The following NR1H2 variants were observed in gnomAD, a reference collection of about 807,000 sequenced individuals.
The protein encoded by NR1H2 is oxysterols receptor LXR-beta.
A neutral mutation model predicts 51.2 loss-of-function variants in NR1H2; 33 were observed. That is an observed-to-expected ratio of 0.64 (90% CI 0.49 to 0.86). NR1H2 has a LOEUF of 0.86. NR1H2 is among the 40% of genes least tolerant of loss of function. The pLI is 0.00. For synonymous variants in NR1H2, 310 were observed against 264.3 expected, an observed-to-expected ratio of 1.17 and a Z score of -1.68; for missense variants, 592 against 639.9, an observed-to-expected ratio of 0.93 and a Z score of 0.81.
rs755223290 is a variant in NR1H2 at position 50,382,601 on chromosome 19, G to A, written c.1382G>A (p.Ter461=). The A allele has an allele frequency of 1.3e-6, 2 of 1,566,692 alleles. No individual in the cohort carries two copies. The highest frequency in any genetic ancestry group is 1.7e-6 in the Non-Finnish European group (2 of 1,158,166). ...TCGGAGATCTGGGACGTCCACGAGT[G>A]AGGGGCTGGCCACCCAGCCCCACAG... The part of the protein sequence containing the change: ...LLSEIWDVHE[*] The change falls in exon 10 of 10, where the codon TGA becomes TAA. Residue 461 remains the stop codon, a stop_retained_variant. Transcript: ENST00000253727.
intron 2 of NR1H2, chr19:50,377,320 A>G (rs1292215204): frequency 9.5e-6 from 4 of 423,148 alleles, no homozygotes; most frequent in Non-Finnish European, 1.2e-5. Context: ...CCCTACCTAG[A>G]AAAAGCAGGT....
intron 6 of NR1H2, 90 bp downstream of exon 6, chr19:50,378,886 C>T: frequency 6.4e-7 from 1 of 1,561,734 alleles, no homozygotes; most frequent in Non-Finnish European, 8.7e-7. Flanking sequence ...AATGAGGCTC[C>T]AGAGGGCAGG....
In NR1H2 at chr19:50,382,221, C is replaced by CCCACGTGGT. The variant is rs771438811; in HGVS notation, c.1236+50_1236+58dup. On this transcript the variant is annotated intron_variant, in intron 9 of 9. Transcript: ENST00000253727. ...GCGCAGAGCCAACTACGTCCCGCGG[C>CCCACGTGGT]CCACGTGGTCCGTTCAGGCTGGGTT... 1.8e-5 allele frequency: 27 copies of CCCACGTGGT among 1,464,150 alleles called. No individual in the cohort carries two copies. In the South Asian group the frequency reaches 3.1e-4, roughly 17 times the overall value. 90.7% of individuals were successfully genotyped at this position (1,464,150 alleles called of 1,614,324 possible).
rs1030777653 is a variant in NR1H2 at position 50,381,997 on chromosome 19, C to T, written c.1059C>T (p.Phe353=). 15 of 1,564,296 alleles carry T rather than the reference C, an allele frequency of 9.6e-6. 1 individual carries two copies. Among genetic ancestry groups the T allele is most frequent in the African/African-American group, 8.1e-5 (6 of 73,670 alleles). The part of the protein sequence containing the change: ...GLQVEFINPI[F]EFSRAMRRLG... The stretch of plus-strand genomic sequence containing the variant: ...AGGTGGAGTTCATCAACCCCATCTT[C>T]GAGTTCTCGCGGGCCATGCGGCGGC... The change falls in exon 9 of 10, where the codon TTC becomes TTT. Residue 353 remains phenylalanine, a synonymous_variant. Coordinates refer to ENST00000253727, the MANE Select transcript of NR1H2 (RefSeq NM_007121.7).
chr19:50,377,410 G>C (rs2037684240), intron 2 of NR1H2, 177 bp from the exon 3 acceptor site: 1 of 545,604 alleles, frequency 1.8e-6, no homozygotes, highest in African/African-American at 2.0e-5. Flanking sequence ...AACAGAAGGG[G>C]GCAGGTCTTG....
At position 50,383,336 on chromosome 19, in the gene NR1H2, TG is replaced by T. The variant is rs1450947051; in HGVS notation, c.*736del. Among the ~76,000 whole-genome samples, 14 of 152,258 alleles carry T rather than the reference TG, an allele frequency of 9.2e-5. No individual in the cohort carries two copies. Among genetic ancestry groups the T allele is most frequent in the Admixed American group, 8.5e-4 (13 of 15,282 alleles). ...GCCTCCTGTGGGCCAGGCACTGGGT[TG>T]GCCATTCTAGAGATGGAGACATTCA... On this transcript the variant is annotated 3_prime_UTR_variant, in exon 10 of 10. Coordinates refer to ENST00000253727, the MANE Select transcript of NR1H2 (RefSeq NM_007121.7).
chr19:50,377,292 T>G, intron 2 of NR1H2: 2 of 361,398 alleles, frequency 5.5e-6, no homozygotes, highest in Admixed American at 4.8e-5. Flanking sequence ...AGGCAGAGCA[T>G]GATTAAAGGA....
At chr19:50,378,923 T>C in intron 6 of NR1H2, 79 bp from the exon 7 acceptor site, 1 of 1,552,290 alleles carries the variant, frequency 6.4e-7, no homozygotes. Context: ...TCCCCCAGGG[T>C]GCAGGCTTGG....
intron 9 of NR1H2, 72 bp downstream of exon 9, chr19:50,382,246 TCTGCCAGCCA>T (rs1207817159): frequency 2.7e-5 from 38 of 1,409,124 alleles, no homozygotes; most frequent in Non-Finnish European, 3.4e-5. Context: ...CAGGCTGGGT[TCTGCCAGCCA>T]CACTGCCCTC....
intron 8 of NR1H2, among the ~76,000 whole-genome samples, chr19:50,380,946 T>G (rs1316652239): frequency 6.6e-6 from 1 of 152,162 alleles, no homozygotes; most frequent in Non-Finnish European, 1.5e-5. Context: ...GGCTGCCCAC[T>G]TCCCTCCTCC....
At chr19:50,381,913 T>A in intron 8 of NR1H2, 53 bp from the exon 9 acceptor site, 1 of 1,457,550 alleles carries the variant, frequency 6.9e-7, no homozygotes, top group African/African-American at 1.4e-5. Flanking sequence ...GGGTCCAGGA[T>A]GTGGGGCACG....
Sources: allele counts gnomAD v4.1 joint callset (sites outside exome capture counted in the v4.1 genomes callset), GRCh38; gene constraint gnomAD v4.1.1; transcripts MANE v1.5; gene names NCBI Gene and HGNC (gene_info 2026-07-23, HGNC 2026-07-21).